Variants in PRR5L observed in about 807,000 individuals in gnomAD.
The protein encoded by PRR5L is proline-rich protein 5-like.
PRR5L carries 21 observed loss-of-function variants against 36.4 expected under a neutral mutation model. That is an observed-to-expected ratio of 0.58 (90% confidence interval 0.41 to 0.83). PRR5L has a LOEUF of 0.83. Among genes scored for constraint, PRR5L ranks in the 40% least tolerant of loss-of-function variants. The pLI, the probability that PRR5L is intolerant of heterozygous loss-of-function variation, is 0.00. For synonymous variants in PRR5L, 188 were observed against 197.0 expected, an observed-to-expected ratio of 0.95 and a Z score of 0.38; for missense variants, 381 against 473.3, an observed-to-expected ratio of 0.80 and a Z score of 1.81.
intron 1 of PRR5L, among the ~76,000 whole-genome samples, chr11:36,366,360 T>C (rs989658839): frequency 2.0e-5 from 3 of 152,074 alleles, no homozygotes; most frequent in African/African-American, 4.8e-5. Flanking sequence ...TTAATATTAA[T>C]GTCAGTTGTA....
chr11:36,355,481 G>A (rs917740611), intron 1 of PRR5L, among the ~76,000 whole-genome samples: 1 of 151,708 alleles, frequency 6.6e-6, no homozygotes, highest in African/African-American at 2.4e-5. Context: ...GACCCAGTTA[G>A]TGAATTGTAC....
intron 1 of PRR5L, among the ~76,000 whole-genome samples, chr11:36,386,236 T>C (rs1857453982): frequency 5.3e-5 from 8 of 152,052 alleles, no homozygotes; most frequent in Admixed American, 5.2e-4. Context: ...CAGTGGGCTG[T>C]GATTGTGCCA....
intron 7 of PRR5L, among the ~76,000 whole-genome samples, chr11:36,450,700 C>A (rs185299291): frequency 1.3e-5 from 2 of 152,332 alleles, no homozygotes; most frequent in African/African-American, 4.8e-5. Context: ...AGCCAGATAG[C>A]CTGGGTTCCA....
intron 1 of PRR5L, among the ~76,000 whole-genome samples, chr11:36,385,783 A>G (rs1007656815): frequency 2.0e-5 from 3 of 152,226 alleles, no homozygotes; most frequent in South Asian, 4.1e-4. Flanking sequence ...GTGCTATGCT[A>G]TGTAGCAGGC....
Position 36,431,894 on chromosome 11 carries a change from G to A in PRR5L, c.336G>A (p.Lys112=), listed in dbSNP as rs557005866. The change falls in exon 5 of 9, where the codon AAG becomes AAA. Residue 112 remains lysine (K), a synonymous_variant. Transcript: ENST00000530639. Reference sequence around the variant, plus strand: ...AAGGACTGTTCTTTGTGGAGGAGAAGATCAAGCTGTGTGAAGGCAAGTACA... The same window carrying A: ...AAGGACTGTTCTTTGTGGAGGAGAAAATCAAGCTGTGTGAAGGCAAGTACA... The part of the protein sequence containing the change: ...LAKGLFFVEE[K]IKLCEGENRI... 1 of 1,614,120 alleles carries A rather than the reference G, an allele frequency of 6.2e-7. No homozygotes were observed. Among genetic ancestry groups the A allele is most frequent in the Admixed American group, 1.7e-5 (1 of 60,022 alleles).
chr11:36,314,864 C>T (rs1856539483), intron 1 of PRR5L, among the ~76,000 whole-genome samples: 1 of 152,204 alleles, frequency 6.6e-6, no homozygotes, highest in Non-Finnish European at 1.5e-5. Flanking sequence ...TTTCACCTCT[C>T]TGAGTCTCAG....
At position 36,387,726 on chromosome 11, in the gene PRR5L, G is replaced by A. The variant is rs116380881; in HGVS notation, c.-125-13271G>A. The stretch of plus-strand genomic sequence containing the variant: ...GTGAAGTGACTTGCCCAAGGCCACA[G>A]GGACTGATTAGTGCAGGCTTACCTT... On this transcript the variant is annotated intron_variant, in intron 1 of 8. Coordinates refer to ENST00000530639, the MANE Select transcript of PRR5L (RefSeq NM_001160167.2). Among the ~76,000 whole-genome samples, 726 of 152,292 alleles carry A rather than the reference G, an allele frequency of 4.8e-3. 5 individuals are homozygous for A. Among genetic ancestry groups the A allele is most frequent in the African/African-American group, 0.016 (673 of 41,570 alleles).
chr11:36,350,702 T>C (rs985387448), intron 1 of PRR5L, among the ~76,000 whole-genome samples: 5 of 151,032 alleles, frequency 3.3e-5, no homozygotes, highest in South Asian at 2.1e-4. Context: ...TCCCACCCTT[T>C]CCCCCGAGTC....
At chr11:36,417,936 T>C (rs1216328754) in intron 3 of PRR5L, among the ~76,000 whole-genome samples, 1 of 152,272 alleles carries the variant, frequency 6.6e-6, no homozygotes, top group Non-Finnish European at 1.5e-5. Context: ...CCAGTTATTC[T>C]TGCTTTTTGT....
intron 1 of PRR5L, chr11:36,323,281 C>A (rs905325632): frequency 6.6e-6 from 1 of 152,206 alleles, no homozygotes; most frequent in African/African-American, 2.4e-5. Flanking sequence ...GTTCTCGTAT[C>A]ATTGAGTCCC....
chr11:36,357,924 C>T (rs575182444), intron 1 of PRR5L, among the ~76,000 whole-genome samples: 1 of 152,302 alleles, frequency 6.6e-6, no homozygotes, highest in African/African-American at 2.4e-5. Flanking sequence ...GATAGTGTCT[C>T]CTCTGATGGA....
chr11:36,445,457 C>T (rs1590599338), intron 6 of PRR5L, among the ~76,000 whole-genome samples: 2 of 151,924 alleles, frequency 1.3e-5, no homozygotes, highest in Non-Finnish European at 2.9e-5. Flanking sequence ...TTTGGCTCTA[C>T]CAAGAACAAC....
At position 36,385,390 on chromosome 11, in the gene PRR5L, G is replaced by T. The variant is rs540039635; in HGVS notation, c.-125-15607G>T. ...TTTGTTTAACTTGTATCACAGAAGG[G>T]GATTTTTCTGGTGATTATACAGTGG... On this transcript the variant is annotated intron_variant, in intron 1 of 8. Transcript: ENST00000530639. Among the ~76,000 whole-genome samples, 5 of 152,252 alleles carry T rather than the reference G, an allele frequency of 3.3e-5. No individual in the cohort carries two copies. The East Asian group carries it at 9.6e-4, about 29-fold the overall frequency.
chr11:36,333,202 T>A (rs551217929), intron 1 of PRR5L, among the ~76,000 whole-genome samples: 1 of 152,338 alleles, frequency 6.6e-6, no homozygotes, highest in East Asian at 1.9e-4. Context: ...TGAGAACCCA[T>A]TAGAATGTCT....
At chr11:36,424,980 C>A (rs1858350652) in intron 4 of PRR5L, among the ~76,000 whole-genome samples, 1 of 152,178 alleles carries the variant, frequency 6.6e-6, no homozygotes, top group African/African-American at 2.4e-5. Context: ...CCCCACCATG[C>A]CTAGCTAATT....
At position 36,377,218 on chromosome 11, in the gene PRR5L, GAGCC is replaced by G. The variant is rs920495187; in HGVS notation, c.-125-23777_-125-23774del. Among the ~76,000 whole-genome samples the G allele has an allele frequency of 2.0e-5, 3 of 152,204 alleles. No homozygotes were observed. Among genetic ancestry groups the G allele is most frequent in the Non-Finnish European group, 4.4e-5 (3 of 68,036 alleles). On this transcript the variant is annotated intron_variant, in intron 1 of 8. Transcript: ENST00000530639. The surrounding 1 kb of genome is among the most constrained non-coding windows in gnomAD (Gnocchi z 5.1). ...GCGTGGGAGAGAAGGGCAGGGCAGG[GAGCC>G]ACTTTGTCCCGTGCGCTGCTGCACG...
At chr11:36,330,757 A>T (rs746116714) in intron 1 of PRR5L, among the ~76,000 whole-genome samples, 5 of 152,138 alleles carry the variant, frequency 3.3e-5, no homozygotes, top group Non-Finnish European at 7.3e-5. Context: ...ATTATGACTG[A>T]TAACATTTGC....
At chr11:36,352,135 G>A (rs969231199) in intron 1 of PRR5L, among the ~76,000 whole-genome samples, 2 of 152,086 alleles carry the variant, frequency 1.3e-5, no homozygotes, top group African/African-American at 2.4e-5. Context: ...GCAGGGGTAA[G>A]GTGGTATGGT....
At chr11:36,452,718 C>T (rs548845500) in intron 8 of PRR5L, among the ~76,000 whole-genome samples, 5 of 152,316 alleles carry the variant, frequency 3.3e-5, no homozygotes, top group Admixed American at 1.3e-4. Flanking sequence ...GCTGTCAGGA[C>T]GTCAGCAGGT....
Sources: allele counts gnomAD v4.1 joint callset (sites outside exome capture counted in the v4.1 genomes callset), GRCh38; gene constraint gnomAD v4.1.1; non-coding constraint Gnocchi (gnomAD v3.1); transcripts MANE v1.5; gene names NCBI Gene and HGNC (gene_info 2026-07-23, HGNC 2026-07-21).